The following KAZN variants were observed in gnomAD, a reference collection of about 807,000 sequenced individuals.
KAZN encodes the protein kazrin, periplakin interacting protein.
Under a neutral mutation model 87.4 loss-of-function variants are expected in KAZN, and 40 were observed. That is an observed-to-expected ratio of 0.46 (90% CI 0.36 to 0.60). KAZN has a LOEUF of 0.60. KAZN is among the 20% of genes least tolerant of loss of function. The pLI, the probability that KAZN is intolerant of heterozygous loss-of-function variation, is 0.00. For missense variants in KAZN, 898 were observed against 1,073.9 expected, an observed-to-expected ratio of 0.84 and a Z score of 2.29; for synonymous variants, 466 against 458.3, an observed-to-expected ratio of 1.02 and a Z score of -0.22.
chr1:15,103,493 C>G (rs1457118191), intron 12 of KAZN, 33 bp downstream of exon 12: 7 of 1,382,312 alleles, frequency 5.1e-6, no homozygotes, highest in Non-Finnish European at 7.0e-6. Context: ...GGGTGACTCT[C>G]GGGCATACAC....
At chr1:14,244,047 T>G (rs1490553332) in intron 2 of KAZN, among the ~76,000 whole-genome samples, 1 of 152,204 alleles carries the variant, frequency 6.6e-6, no homozygotes, top group Admixed American at 6.5e-5. Flanking sequence ...GATAAAGTAA[T>G]AGAAACAACA....
intron 2 of KAZN, among the ~76,000 whole-genome samples, chr1:14,191,268 A>G (rs1341761059): frequency 6.6e-6 from 1 of 152,192 alleles, no homozygotes. Flanking sequence ...TGTTTTGGCA[A>G]TGGACTATAA....
At chr1:14,377,067 C>A (rs1468445856) in intron 2 of KAZN, among the ~76,000 whole-genome samples, 1 of 35,146 alleles carries the variant, frequency 2.8e-5, no homozygotes, top group African/African-American at 8.4e-5. Context: ...AGGAAGGTAG[C>A]TACTTAGCCA....
At position 13,957,932 on chromosome 1, in the gene KAZN, G is replaced by A. The variant is rs2101015375; in HGVS notation, c.91+64176G>A. 2.0e-5 allele frequency among the ~76,000 whole-genome samples: 3 copies of A among 152,330 alleles called. No individual in the cohort carries two copies. The South Asian group carries it at 6.2e-4, about 32-fold the overall frequency. On this transcript the variant is annotated intron_variant, in intron 1 of 16. Coordinates refer to the KAZN transcript ENST00000636203. ...AGGACAGGGGTGGCTACTACCAGTA[G>A]AAGTATGATGATGACATCCAGGGAA...
chr1:14,976,365 C>T (rs369855883), intron 2 of KAZN, among the ~76,000 whole-genome samples: 4 of 152,254 alleles, frequency 2.6e-5, no homozygotes, highest in Admixed American at 6.5e-5. Flanking sequence ...ACTCTTGCCC[C>T]GGCCACAAGA....
chr1:14,248,706 T>C (rs947801019), intron 2 of KAZN, among the ~76,000 whole-genome samples: 5 of 152,218 alleles, frequency 3.3e-5, no homozygotes, highest in African/African-American at 1.2e-4. Context: ...GTGGTACTTT[T>C]AAAACATGTT....
chr1:14,665,950 A>AAT (rs1296033278), intron 1 of KAZN, among the ~76,000 whole-genome samples: 1 of 151,796 alleles, frequency 6.6e-6, no homozygotes, highest in African/African-American at 2.4e-5. Context: ...AAAAAAAAAA[A>AAT]AAATAACATA....
chr1:14,175,383 G>T (rs1037608864), intron 1 of KAZN, among the ~76,000 whole-genome samples: 4 of 152,222 alleles, frequency 2.6e-5, no homozygotes, highest in African/African-American at 4.8e-5. Context: ...GATTTCAGGC[G>T]TGAGCCACCG....
intron 1 of KAZN, among the ~76,000 whole-genome samples, chr1:14,059,453 C>G (rs1642703767): frequency 6.6e-6 from 1 of 152,186 alleles, no homozygotes; most frequent in South Asian, 2.1e-4. Flanking sequence ...AAGAAAGGAG[C>G]CAGAAGACCC....
intron 1 of KAZN, among the ~76,000 whole-genome samples, chr1:13,981,089 T>TCTCTCTATATATATATA (rs1553181094): frequency 1.6e-5 from 1 of 63,134 alleles, no homozygotes; most frequent in South Asian, 4.8e-4. Context: ...AAATTACTCT[T>TCTCTCTATATATATATA]TATATATATA....
At chr1:15,046,299 A>AAAAAAAT (rs780838205) in intron 4 of KAZN, among the ~76,000 whole-genome samples, 20 of 151,632 alleles carry the variant, frequency 1.3e-4, no homozygotes, top group Non-Finnish European at 2.2e-4. Flanking sequence ...CTCCGTCTCA[A>AAAAAAAT]AAAAAAAAGA....
In KAZN at chr1:14,886,463, C is replaced by CACACAG. The variant is rs397979311; in HGVS notation, c.227-74220_227-74219insCACAGA. On this transcript the variant is annotated intron_variant, in intron 1 of 14. Transcript: ENST00000376030. ...ACACACACACACACACACACACACA[C>CACACAG]AGAGAGAGACAGAGAGAGAGAGACA... is the stretch of plus-strand genomic sequence containing the variant. 6.1e-3 allele frequency among the ~76,000 whole-genome samples: 829 copies of CACACAG among 135,964 alleles called. 10 individuals carry two copies. The highest frequency in any genetic ancestry group is 0.02 in the African/African-American group (755 of 38,680). The allele number at this position is 135,964 out of a possible 152,430, so 89.2% of individuals were successfully genotyped here. A position where few individuals can be genotyped will look rare whatever the true frequency, so the allele number is the denominator to read the frequency against.
intron 2 of KAZN, among the ~76,000 whole-genome samples, chr1:14,980,347 GAGAC>G (rs934140517): frequency 2.6e-5 from 4 of 152,184 alleles, no homozygotes; most frequent in Admixed American, 1.3e-4. Flanking sequence ...GGGATTTCCC[GAGAC>G]AGACAGGATC....
At chr1:13,957,617 T>G (rs1311299042) in intron 1 of KAZN, among the ~76,000 whole-genome samples, 3 of 152,138 alleles carry the variant, frequency 2.0e-5, no homozygotes, top group Non-Finnish European at 2.9e-5. Context: ...CTGCTTCTAC[T>G]CATGGCAGAA....
intron 1 of KAZN, among the ~76,000 whole-genome samples, chr1:14,616,911 G>T (rs532871826): frequency 5.3e-5 from 8 of 152,216 alleles, no homozygotes; most frequent in South Asian, 4.1e-4. Context: ...ACTCCAGCCA[G>T]CTCCTAAGGG....
chr1:14,645,143 C>G (rs984597654), intron 1 of KAZN, among the ~76,000 whole-genome samples: 2 of 152,134 alleles, frequency 1.3e-5, no homozygotes, highest in Non-Finnish European at 2.9e-5. Flanking sequence ...GCTCTCTATT[C>G]TGTTCCATTG....
intron 1 of KAZN, among the ~76,000 whole-genome samples, chr1:13,993,596 T>G (rs1403754924): frequency 6.6e-6 from 1 of 152,238 alleles, no homozygotes; most frequent in Admixed American, 6.5e-5. Flanking sequence ...AAAAACTACA[T>G]TAGGTCTTGA....
intron 1 of KAZN, among the ~76,000 whole-genome samples, chr1:14,691,714 C>T (rs909907191): frequency 1.3e-5 from 2 of 151,976 alleles, no homozygotes; most frequent in African/African-American, 2.4e-5. Flanking sequence ...CTCAAACTCC[C>T]GACCTCAAGT....
chr1:14,665,208 TCAAA>T (rs1639449099), intron 1 of KAZN, among the ~76,000 whole-genome samples: 1 of 152,116 alleles, frequency 6.6e-6, no homozygotes. Context: ...AATGGGGTAT[TCAAA>T]CAAACAGGAG....
Sources: gnomAD v4.1 joint callset for allele counts (sites outside exome capture counted in the v4.1 genomes callset) on GRCh38, gnomAD v4.1.1 for gene constraint, MANE v1.5 for transcripts, NCBI Gene and HGNC (gene_info 2026-07-23, HGNC 2026-07-21) for gene names.